HSPA12A: variants seen among roughly 807,000 people sequenced by gnomAD.
The protein encoded by HSPA12A is heat shock 70 kDa protein 12A.
A neutral mutation model predicts 69.2 loss-of-function variants in HSPA12A; 28 were observed. The observed-to-expected ratio is 0.40, with a 90% confidence interval of 0.30 to 0.55. The LOEUF (loss-of-function observed/expected upper bound fraction) is 0.55, where lower values mean the gene tolerates loss of function less well. HSPA12A is among the 20% of genes least tolerant of loss of function. The pLI is 0.38. For missense variants in HSPA12A, 686 were observed against 900.7 expected (o/e 0.76, Z 3.05); for synonymous variants, 345 against 370.5 (o/e 0.93, Z 0.79).
chr10:116,714,772 C>T (rs539672620), intron 1 of HSPA12A, among the ~76,000 whole-genome samples: 3 of 152,208 alleles, frequency 2.0e-5, no homozygotes, highest in Admixed American at 6.5e-5. Flanking sequence ...TGCCCCACAT[C>T]CCTGGCCATA....
chr10:116,819,627 A>G (rs553100998), intron 2 of HSPA12A, among the ~76,000 whole-genome samples: 1 of 151,560 alleles, frequency 6.6e-6, no homozygotes, highest in South Asian at 2.1e-4. Context: ...ACTGTGAGCA[A>G]TAAATGTCTG....
At chr10:116,698,221 C>G (rs1554881130) in intron 5 of HSPA12A, 1 of 158,542 alleles carries the variant, frequency 6.3e-6, no homozygotes, top group Admixed American at 6.3e-5. Context: ...ACTGTTTCTA[C>G]TTTTCACAGT....
intron 5 of HSPA12A, among the ~76,000 whole-genome samples, chr10:116,695,049 A>C (rs1849846321): frequency 6.8e-6 from 1 of 147,052 alleles, no homozygotes; most frequent in African/African-American, 2.5e-5. Flanking sequence ...CCCAGAACCC[A>C]CTCCTTCCCA....
At chr10:116,713,267 T>TCC (rs1168777365) in intron 1 of HSPA12A, among the ~76,000 whole-genome samples, 8 of 152,128 alleles carry the variant, frequency 5.3e-5, no homozygotes, top group Non-Finnish European at 1.0e-4. Context: ...ATTATTACTG[T>TCC]AAGCTGAACT....
chr10:116,725,970 T>C (rs1850941972), intron 1 of HSPA12A, among the ~76,000 whole-genome samples: 1 of 151,422 alleles, frequency 6.6e-6, no homozygotes, highest in Non-Finnish European at 1.5e-5. Flanking sequence ...AGTGAGGAAG[T>C]CAAGTTTTCT....
chr10:116,809,786 G>A (rs1483660604), intron 2 of HSPA12A, among the ~76,000 whole-genome samples: 1 of 152,224 alleles, frequency 6.6e-6, no homozygotes, highest in African/African-American at 2.4e-5. Context: ...TTCCTAAAAA[G>A]AGGATTCAAA....
chr10:116,726,599 G>T (rs1467250033), intron 1 of HSPA12A, among the ~76,000 whole-genome samples: 1 of 152,046 alleles, frequency 6.6e-6, no homozygotes, highest in African/African-American at 2.4e-5. Flanking sequence ...TTCCTTCTGG[G>T]GGTGCCTGTC....
At chr10:116,849,638 G>A in exon 1 of HSPA12A, 1 of 1,550,294 alleles carries the variant, frequency 6.5e-7, no homozygotes, top group East Asian at 2.4e-5. Context: ...AGCAGGCGAT[G>A]GAGTACTACC....
At chr10:116,850,283 A>T (rs937911896), upstream of HSPA12A, 1 of 176,310 alleles carries the variant, frequency 5.7e-6, no homozygotes, top group Non-Finnish European at 1.2e-5. Context: ...AGCCTTGCCC[A>T]CGTAGCCCTG....
At chr10:116,679,418 C>G (rs897001574) in intron 10 of HSPA12A, 85 bp downstream of exon 10, 1 of 1,535,146 alleles carries the variant, frequency 6.5e-7, no homozygotes, top group African/African-American at 1.4e-5. Flanking sequence ...GATTGGAACC[C>G]GAAGTCCACA....
At chr10:116,781,357 A>G (rs1157961617) in intron 2 of HSPA12A, among the ~76,000 whole-genome samples, 4 of 151,820 alleles carry the variant, frequency 2.6e-5, no homozygotes, top group African/African-American at 9.7e-5. Context: ...AATCAGTGCC[A>G]ATGATGATGA....
At chr10:116,795,843 T>C (rs1287659654) in intron 2 of HSPA12A, among the ~76,000 whole-genome samples, 1 of 150,824 alleles carries the variant, frequency 6.6e-6, no homozygotes. Flanking sequence ...TCCTGCTTCA[T>C]AGCATTGTTA....
At chr10:116,804,147 T>G (rs1257521569) in intron 2 of HSPA12A, among the ~76,000 whole-genome samples, 1 of 151,998 alleles carries the variant, frequency 6.6e-6, no homozygotes, top group Admixed American at 6.6e-5. Flanking sequence ...TCCTCCCTCC[T>G]CCCTCCAAAA....
At chr10:116,697,569 A>G (rs1849948231) in intron 5 of HSPA12A, among the ~76,000 whole-genome samples, 1 of 152,200 alleles carries the variant, frequency 6.6e-6, no homozygotes. Context: ...ATGGCCTATG[A>G]GGTACAGTTA....
intron 6 of HSPA12A, among the ~76,000 whole-genome samples, chr10:116,687,053 C>T (rs1849595917): frequency 6.6e-6 from 1 of 152,174 alleles, no homozygotes; most frequent in African/African-American, 2.4e-5. Flanking sequence ...CGAGGGCATC[C>T]GAGTGTGCCT....
At chr10:116,680,433 A>G (rs905979196) in intron 9 of HSPA12A, among the ~76,000 whole-genome samples, 3 of 152,158 alleles carry the variant, frequency 2.0e-5, no homozygotes, top group African/African-American at 7.2e-5. Context: ...GTGATCCTCT[A>G]ATTACTTATT....
Position 116,671,522 on chromosome 10 carries a change from T to C in HSPA12A, c.*3259A>G, listed in dbSNP as rs1849077015. On this transcript the variant is annotated 3_prime_UTR_variant, in exon 12 of 12. Coordinates refer to ENST00000369209, the MANE Select transcript of HSPA12A (RefSeq NM_025015.3). ...TCTGACTCCTGTTTACATTGGTGCATGCGATTCTTTGCTACCCTGGCAATT... is the reference window on the plus strand; with the variant it reads ...TCTGACTCCTGTTTACATTGGTGCACGCGATTCTTTGCTACCCTGGCAATT... The C allele has an allele frequency of 6.6e-6, 1 of 152,572 alleles. No individual in the cohort carries two copies. The highest frequency in any genetic ancestry group is 2.4e-5 in the African/African-American group (1 of 41,462). 9.5% of individuals were successfully genotyped at this position (152,572 alleles called of 1,614,324 possible).
At position 116,705,236 on chromosome 10, in the gene HSPA12A, C is replaced by T. The variant is rs782153649; in HGVS notation, c.169G>A (p.Val57Met). The stretch of plus-strand genomic sequence containing the variant: ...GTCCCAAAGTCGACGGCCACCACCA[C>T]GAGAAATGACTGCTGTTCTGAGACG... ...SNVSEQQSFL[V>M]VVAVDFGTTS... The change falls in exon 3 of 12, where the codon GTG (valine) becomes ATG (methionine). Residue 57 changes from valine to methionine, a missense_variant. Coordinates refer to ENST00000369209, the MANE Select transcript of HSPA12A (RefSeq NM_025015.3). The T allele has an allele frequency of 2.1e-5, 34 of 1,614,184 alleles. No homozygotes were observed. Among genetic ancestry groups the T allele is most frequent in the Non-Finnish European group, 2.5e-5 (30 of 1,180,030 alleles).
chr10:116,687,121 G>A (rs1339765496), intron 6 of HSPA12A, among the ~76,000 whole-genome samples: 1 of 152,202 alleles, frequency 6.6e-6, no homozygotes, highest in African/African-American at 2.4e-5. Flanking sequence ...CTCACATCCT[G>A]AAGACACTGA....
Sources: gnomAD v4.1 joint callset for allele counts (sites outside exome capture counted in the v4.1 genomes callset) on GRCh38, gnomAD v4.1.1 for gene constraint, MANE v1.5 for transcripts, NCBI Gene and HGNC (gene_info 2026-07-23, HGNC 2026-07-21) for gene names.